ATP7A: variants seen among roughly 807,000 people sequenced by gnomAD.
ATP7A encodes the protein ATPase copper transporting alpha.
Under a neutral mutation model 83.5 loss-of-function variants are expected in ATP7A, and 7 were observed. The observed-to-expected ratio is 0.08, with a 90% CI of 0.05 to 0.16. The LOEUF is 0.16. Among genes scored for constraint, ATP7A ranks in the 10% least tolerant of loss-of-function variants. The pLI is 1.00. For synonymous variants in ATP7A, 354 were observed against 395.2 expected (o/e 0.90, Z 1.24); for missense variants, 940 against 1,120.8 (o/e 0.84, Z 2.30).
At chrX:78,036,802 G>A (rs782275507) in intron 17 of ATP7A, among the ~76,000 whole-genome samples, 2 of 111,293 alleles carry the variant, frequency 1.8e-5, no homozygotes, top group Admixed American at 9.5e-5. Flanking sequence ...AGAATCTTGC[G>A]GGGATTCGGG....
intron 1 of ATP7A, among the ~76,000 whole-genome samples, chrX:77,915,525 ACGGTGTCTGG>A (rs1242151662): frequency 9.0e-6 from 1 of 111,053 alleles, no homozygotes; most frequent in Admixed American, 9.7e-5. Context: ...TAATACATGT[ACGGTGTCTGG>A]CAGATAGTAA....
intron 18 of ATP7A, 50 bp from the exon 19 acceptor site, chrX:78,040,541 T>G: frequency 8.5e-7 from 1 of 1,179,926 alleles, no homozygotes; most frequent in Non-Finnish European, 1.1e-6. Context: ...AATGTTATTC[T>G]CCTTTCACTA....
chrX:77,972,911 T>C (rs2077557079), intron 2 of ATP7A, among the ~76,000 whole-genome samples: 1 of 108,518 alleles, frequency 9.2e-6, no homozygotes, highest in Non-Finnish European at 1.9e-5. Context: ...TCTATTGTTG[T>C]TTAACATTAC....
At chrX:78,009,873 A>T (rs1177196757) in intron 7 of ATP7A, among the ~76,000 whole-genome samples, 1 of 112,333 alleles carries the variant, frequency 8.9e-6, no homozygotes, top group African/African-American at 3.2e-5. Context: ...AGGTAGGAGG[A>T]TTGCTTAAGT....
chrX:77,988,115 AAACT>A, intron 2 of ATP7A, 123 bp from the exon 3 acceptor site: 1 of 770,480 alleles, frequency 1.3e-6, no homozygotes, highest in Non-Finnish European at 1.8e-6. Context: ...GTAAAAATGA[AAACT>A]AATAGGGAAA....
rs1333711443 is a variant in ATP7A, at chrX:77,999,631, C to T, written c.1543+947C>T. On this transcript the variant is annotated intron_variant, in intron 5 of 22. Coordinates refer to ENST00000341514, the MANE Select transcript of ATP7A (RefSeq NM_000052.7). Reference sequence around the variant, plus strand: ...AAAGATATGTGATGATGGCCAGGCACGGTGACTCACACCTGTAATCCCAGC... The same window carrying T: ...AAAGATATGTGATGATGGCCAGGCATGGTGACTCACACCTGTAATCCCAGC... Among the ~76,000 whole-genome samples, 16 of 111,331 alleles carry T rather than the reference C, an allele frequency of 1.4e-4. No individual in the cohort carries two copies. In the Admixed American group the frequency reaches 1.5e-3, roughly 11 times the overall value.
intron 1 of ATP7A, among the ~76,000 whole-genome samples, chrX:77,970,063 G>C (rs782199144): frequency 9.0e-6 from 1 of 111,468 alleles, no homozygotes; most frequent in African/African-American, 3.3e-5. Flanking sequence ...TGGTGTCTGG[G>C]GATGTAGTAG....
intron 1 of ATP7A, chrX:77,962,511 C>G (rs782415200): frequency 4.0e-6 from 1 of 252,475 alleles, no homozygotes; most frequent in Admixed American, 4.9e-5. Context: ...TTTAAGACGC[C>G]AAGAACCTGG....
chrX:78,029,322 T>G lies in ATP7A; in HGVS notation c.2989T>G (p.Cys997Gly). 1 of 1,210,509 alleles carries G rather than the reference T, an allele frequency of 8.3e-7. No homozygotes were observed. The highest frequency in any genetic ancestry group is 3.0e-5 in the East Asian group (1 of 33,842). ...TTTCCAAGCCTCTATCACAGTTCTGTGTATTGCATGTCCCTGTTCACTGGG... is the reference window on the plus strand; with the variant it reads ...TTTCCAAGCCTCTATCACAGTTCTGGGTATTGCATGTCCCTGTTCACTGGG... ...FAFQASITVL[C>G]IACPCSLGLA... The change falls in exon 15 of 23, where the codon TGT (cysteine) becomes GGT (glycine). Residue 997 changes from cysteine (C) to glycine (G), a missense_variant. By Grantham distance (159) the Cys-to-Gly change is radical. Around this residue, in one of 3 missense-constraint regions of ATP7A, gnomAD observed 386 missense variants for 502.2 expected, o/e 0.77. Coordinates refer to ENST00000341514, the MANE Select transcript of ATP7A (RefSeq NM_000052.7).
chrX:78,015,136 G>T (rs1177989214), intron 11 of ATP7A, among the ~76,000 whole-genome samples: 1 of 112,201 alleles, frequency 8.9e-6, no homozygotes. Flanking sequence ...GCCTGAAATA[G>T]AATTCAAACA....
chrX:77,960,029 A>T, intron 1 of ATP7A, among the ~76,000 whole-genome samples: 1 of 112,435 alleles, frequency 8.9e-6, no homozygotes, highest in Non-Finnish European at 1.9e-5. Flanking sequence ...TGATGGAGGT[A>T]CATTATATTC....
chrX:78,040,782 A>T, intron 19 of ATP7A, 49 bp downstream of exon 19: 1 of 1,171,949 alleles, frequency 8.5e-7, no homozygotes, highest in Non-Finnish European at 1.2e-6. Flanking sequence ...TATACATTTT[A>T]TATCTTGCCT....
intron 1 of ATP7A, among the ~76,000 whole-genome samples, chrX:77,948,686 A>G (rs782160357): frequency 9.9e-5 from 11 of 111,077 alleles, no homozygotes; most frequent in African/African-American, 3.3e-4. Flanking sequence ...GGGAAGAACA[A>G]AGTGGACGTC....
intron 2 of ATP7A, chrX:77,974,910 G>A (rs368552817): frequency 1.0e-4 from 27 of 269,448 alleles, no homozygotes; most frequent in African/African-American, 7.3e-4. Context: ...TAAGTTTTAG[G>A]GTACATGTGC....
intron 1 of ATP7A, among the ~76,000 whole-genome samples, chrX:77,932,466 G>A (rs781991142): frequency 1.4e-4 from 16 of 110,817 alleles, no homozygotes; most frequent in Non-Finnish European, 2.5e-4. Context: ...GACGATGGGC[G>A]GCCGGGCAGA....
chrX:77,913,481 A>G (rs782561482), intron 1 of ATP7A, among the ~76,000 whole-genome samples: 66 of 111,899 alleles, frequency 5.9e-4, no homozygotes, highest in African/African-American at 2.1e-3. Context: ...CTACCATCCC[A>G]GCAATCATGT....
chrX:78,027,387 T>C (rs1449455699), intron 14 of ATP7A, among the ~76,000 whole-genome samples: 14 of 111,518 alleles, frequency 1.3e-4, no homozygotes, highest in African/African-American at 4.6e-4. Flanking sequence ...TAGGAATACA[T>C]TTAACCAAGG....
intron 17 of ATP7A, 134 bp downstream of exon 17, chrX:78,033,955 C>A: frequency 1.7e-6 from 1 of 586,251 alleles, no homozygotes; most frequent in Non-Finnish European, 2.8e-6. Flanking sequence ...TACCCTATGC[C>A]TTCTGATCAT....
intron 1 of ATP7A, among the ~76,000 whole-genome samples, chrX:77,940,566 C>T (rs979487730): frequency 1.8e-5 from 2 of 110,970 alleles, no homozygotes; most frequent in Admixed American, 9.7e-5. Context: ...TAAGGAAGGC[C>T]TTCCAAAGCC....
Sources: allele counts gnomAD v4.1 joint callset (sites outside exome capture counted in the v4.1 genomes callset), GRCh38; gene constraint gnomAD v4.1.1; regional missense constraint gnomAD v4.1.1; transcripts MANE v1.5; gene names NCBI Gene and HGNC (gene_info 2026-07-23, HGNC 2026-07-21).